PLAAT1: variants seen among roughly 807,000 people sequenced by gnomAD.
PLAAT1 encodes the protein phospholipase A and acyltransferase 1, also known as H-REV107 protein-related protein.
A neutral mutation model predicts 16.4 loss-of-function variants in PLAAT1; 13 were observed. The observed-to-expected ratio is 0.79, with a 90% confidence interval of 0.52 to 1.26. PLAAT1 has a LOEUF of 1.26. Ranked by LOEUF, PLAAT1 falls within the 50% of genes most tolerant of loss-of-function variation. The pLI, the probability that PLAAT1 is intolerant of heterozygous loss-of-function variation, is 0.00. For missense variants in PLAAT1, 218 were observed against 207.8 expected (o/e 1.05, Z -0.30); for synonymous variants, 73 against 78.4 (o/e 0.93, Z 0.36).
At chr3:193,261,875 A>G (rs1454645090) in intron 2 of PLAAT1, among the ~76,000 whole-genome samples, 2 of 152,178 alleles carry the variant, frequency 1.3e-5, no homozygotes, top group Non-Finnish European at 2.9e-5. Context: ...ACTGGGATAT[A>G]TATGCTCTGA....
At chr3:193,269,609 G>C (rs1716916466) in intron 3 of PLAAT1, among the ~76,000 whole-genome samples, 1 of 152,204 alleles carries the variant, frequency 6.6e-6, no homozygotes, top group South Asian at 2.1e-4. Flanking sequence ...AGGCTTTCCA[G>C]CTCTTAGACT....
chr3:193,245,115 A>G (rs1715930442), intron 1 of PLAAT1, among the ~76,000 whole-genome samples: 1 of 152,218 alleles, frequency 6.6e-6, no homozygotes, highest in Non-Finnish European at 1.5e-5. Flanking sequence ...TGTGGTCAAC[A>G]TGCAGTGCAA....
intron 3 of PLAAT1, among the ~76,000 whole-genome samples, chr3:193,266,370 AAAG>A (rs1409404434): frequency 6.6e-6 from 1 of 152,226 alleles, no homozygotes; most frequent in Admixed American, 6.5e-5. Context: ...TGTTAAATAA[AAAG>A]AGATTAGAGC....
intron 1 of PLAAT1, among the ~76,000 whole-genome samples, chr3:193,253,857 C>A (rs1716282529): frequency 6.6e-6 from 1 of 151,502 alleles, no homozygotes; most frequent in South Asian, 2.1e-4. Context: ...CATGTTTTTT[C>A]TTTTTTTCAA....
Position 193,241,308 on chromosome 3 carries a change from AGGGGCCGCC to A in PLAAT1, c.-222_-214del. 7 of 1,230,972 alleles carry A rather than the reference AGGGGCCGCC, an allele frequency of 5.7e-6. No homozygotes were observed. The highest frequency in any genetic ancestry group is 7.1e-6 in the Non-Finnish European group (7 of 987,508). The allele number at this position is 1,230,972 out of a possible 1,614,324, so 76.3% of individuals were successfully genotyped here. A position where few individuals can be genotyped will look rare whatever the true frequency, so the allele number is the denominator to read the frequency against. ...GCGTGCGGGCGTCTCAGAGCCGCGG[AGGGGCCGCC>A]GGGACCGTTTCAGCGTGGCGGCGCT... On this transcript the variant is annotated 5_prime_UTR_variant, in exon 1 of 4. Transcript: ENST00000264735.
chr3:193,280,752 C>T (rs1717452528), downstream of PLAAT1, among the ~76,000 whole-genome samples: 1 of 152,134 alleles, frequency 6.6e-6, no homozygotes, highest in Non-Finnish European at 1.5e-5. Flanking sequence ...CACCTTCAGG[C>T]CCAAACAACA....
chr3:193,254,513 A>C (rs936314686), intron 1 of PLAAT1, among the ~76,000 whole-genome samples: 10 of 152,208 alleles, frequency 6.6e-5, no homozygotes, highest in African/African-American at 2.2e-4. Context: ...ATAGATGTAC[A>C]TAATCTCCTC....
chr3:193,250,553 A>G (rs1463662629), intron 1 of PLAAT1, among the ~76,000 whole-genome samples: 1 of 152,134 alleles, frequency 6.6e-6, no homozygotes. Flanking sequence ...CAACTCCCAG[A>G]CTAGGAGCCT....
At chr3:193,279,976 T>TAAAAAAAAAAAA (rs57617984), downstream of PLAAT1, among the ~76,000 whole-genome samples, 1 of 59,890 alleles carries the variant, frequency 1.7e-5, no homozygotes, top group Non-Finnish European at 2.7e-5. Flanking sequence ...GTGTCTTTGT[T>TAAAAAAAAAAAA]AAAAAAAAAA....
At chr3:193,281,278 CTG>C, downstream of PLAAT1, 10 of 888,654 alleles carry the variant, frequency 1.1e-5, no homozygotes, top group Non-Finnish European at 1.2e-5. Context: ...TCACTAGCAA[CTG>C]GGGCTGAGTG....
At chr3:193,279,433 A>G (rs995020305), downstream of PLAAT1, 13 of 1,613,700 alleles carry the variant, frequency 8.1e-6, no homozygotes, top group Non-Finnish European at 1.1e-5. Flanking sequence ...CAAGGCAGCT[A>G]GCAGCAGAAA....
chr3:193,269,207 T>C (rs1577312827), intron 3 of PLAAT1, among the ~76,000 whole-genome samples: 1 of 152,294 alleles, frequency 6.6e-6, no homozygotes, highest in Non-Finnish European at 1.5e-5. Context: ...GGAAATAGTT[T>C]AGGTAAGGAT....
chr3:193,246,567 T>G (rs931340866), intron 1 of PLAAT1, among the ~76,000 whole-genome samples: 10 of 152,074 alleles, frequency 6.6e-5, no homozygotes, highest in African/African-American at 2.4e-4. Flanking sequence ...TAGCCATGTT[T>G]CCTAGGCTGG....
intron 2 of PLAAT1, among the ~76,000 whole-genome samples, chr3:193,259,951 A>G (rs1459715953): frequency 6.6e-6 from 1 of 152,150 alleles, no homozygotes; most frequent in East Asian, 1.9e-4. Context: ...CCCAACTTCA[A>G]ACTCTACTAG....
At chr3:193,246,919 A>T (rs529314106) in intron 1 of PLAAT1, among the ~76,000 whole-genome samples, 2 of 152,220 alleles carry the variant, frequency 1.3e-5, no homozygotes, top group East Asian at 3.9e-4. Flanking sequence ...TTTTTGGAAG[A>T]GCTTGAGAAG....
intron 3 of PLAAT1, among the ~76,000 whole-genome samples, chr3:193,266,134 A>G (rs1216758714): frequency 1.3e-5 from 2 of 152,090 alleles, no homozygotes; most frequent in Non-Finnish European, 2.9e-5. Context: ...AAACCAACAA[A>G]GGGAGTGGGC....
downstream of PLAAT1, chr3:193,275,207 T>C (rs903219035): frequency 1.9e-6 from 3 of 1,614,122 alleles, no homozygotes; most frequent in African/African-American, 2.7e-5. Context: ...AGTCTTCTGC[T>C]AGCTTCTTTT....
At position 193,253,921 on chromosome 3, in the gene PLAAT1, C is replaced by T. The variant is rs182335650; in HGVS notation, c.1-1730C>T. ...AAAAAAATTGCACTAGAAAGTGCTC[C>T]CCGTTCAAATGGTGGTTATTATTTT... On this transcript the variant is annotated intron_variant, in intron 1 of 3. Transcript: ENST00000264735. 8.4e-4 allele frequency among the ~76,000 whole-genome samples: 128 copies of T among 152,102 alleles called. 2 individuals are homozygous for T. In the East Asian group the frequency reaches 0.021, roughly 25 times the overall value.
At chr3:193,275,845 A>C (rs75311030), downstream of PLAAT1, among the ~76,000 whole-genome samples, 1,604 of 152,320 alleles carry the variant, frequency 0.011, 53 homozygotes, top group East Asian at 0.072. Flanking sequence ...TTTCTGTGGT[A>C]AACAATTTTT....
Sources: allele counts gnomAD v4.1 joint callset (sites outside exome capture counted in the v4.1 genomes callset), GRCh38; gene constraint gnomAD v4.1.1; transcripts MANE v1.5; gene names NCBI Gene and HGNC (gene_info 2026-07-23, HGNC 2026-07-21).